The following ADAMTSL1 variants were observed in gnomAD, a reference collection of about 807,000 sequenced individuals.
ADAMTSL1 encodes the protein ADAMTS-like protein 1.
ADAMTSL1 carries 126 observed loss-of-function variants against 201.8 expected under a neutral mutation model. That is an observed-to-expected ratio of 0.62 (90% CI 0.54 to 0.72). ADAMTSL1 has a LOEUF of 0.72. ADAMTSL1 is among the 30% of genes least tolerant of loss of function. ADAMTSL1 has a pLI of 0.00. For missense variants in ADAMTSL1, 2,679 were observed against 2,277.8 expected (o/e 1.18, Z -3.59); for synonymous variants, 1,121 against 903.4 (o/e 1.24, Z -4.32).
At chr9:18,504,163 C>T (rs970523233) in intron 1 of ADAMTSL1, among the ~76,000 whole-genome samples, 1 of 152,284 alleles carries the variant, frequency 6.6e-6, no homozygotes, top group East Asian at 1.9e-4. Flanking sequence ...TTAACTATAG[C>T]ACACATTTTA....
intron 23 of ADAMTSL1, among the ~76,000 whole-genome samples, chr9:18,860,555 A>G (rs1315454681): frequency 1.3e-5 from 2 of 152,162 alleles, no homozygotes; most frequent in Non-Finnish European, 2.9e-5. Context: ...TCTTACCAAC[A>G]ATGACAAACA....
chr9:18,338,992 A>G (rs1835359158), intron 2 of ADAMTSL1, among the ~76,000 whole-genome samples: 1 of 152,126 alleles, frequency 6.6e-6, no homozygotes, highest in African/African-American at 2.4e-5. Flanking sequence ...CATTGTCTAT[A>G]CGTACCACCT....
intron 2 of ADAMTSL1, among the ~76,000 whole-genome samples, chr9:18,306,883 A>G (rs1269688006): frequency 6.6e-6 from 1 of 152,168 alleles, no homozygotes; most frequent in African/African-American, 2.4e-5. Flanking sequence ...AACCCAAGAC[A>G]CATAATTGTC....
chr9:18,219,053 A>G (rs964940753), intron 2 of ADAMTSL1, among the ~76,000 whole-genome samples: 3 of 151,836 alleles, frequency 2.0e-5, no homozygotes, highest in Admixed American at 6.6e-5. Context: ...GTATGAATAT[A>G]TATATATTTC....
At chr9:18,737,084 C>A (rs1034665681) in intron 15 of ADAMTSL1, among the ~76,000 whole-genome samples, 13 of 152,008 alleles carry the variant, frequency 8.6e-5, no homozygotes, top group African/African-American at 3.1e-4. Flanking sequence ...TTTGGAAGGC[C>A]GAGGCAGGTG....
intron 1 of ADAMTSL1, among the ~76,000 whole-genome samples, chr9:18,061,720 T>C (rs1445878906): frequency 1.3e-5 from 2 of 152,238 alleles, no homozygotes; most frequent in Non-Finnish European, 2.9e-5. Context: ...TGTCATATCA[T>C]TTGAAAACAA....
chr9:18,798,913 CCT>C (rs1480154770), intron 20 of ADAMTSL1, among the ~76,000 whole-genome samples: 1 of 152,148 alleles, frequency 6.6e-6, no homozygotes, highest in Non-Finnish European at 1.5e-5. Context: ...CTTGCTCTGC[CCT>C]GTTTGGCCTA....
chr9:18,591,513 T>C (rs1430718045), intron 4 of ADAMTSL1, among the ~76,000 whole-genome samples: 1 of 152,286 alleles, frequency 6.6e-6, no homozygotes, highest in East Asian at 1.9e-4. Context: ...CCCATTTACA[T>C]TTAATGTTAT....
intron 3 of ADAMTSL1, among the ~76,000 whole-genome samples, chr9:18,536,507 A>G (rs796284413): frequency 6.6e-6 from 1 of 150,674 alleles, no homozygotes; most frequent in Non-Finnish European, 1.5e-5. Context: ...CAACCACTCT[A>G]TAAGTAGTAT....
intron 2 of ADAMTSL1, among the ~76,000 whole-genome samples, chr9:18,306,988 T>G (rs1359405576): frequency 2.0e-5 from 3 of 152,144 alleles, no homozygotes; most frequent in African/African-American, 7.2e-5. Context: ...AGACTAACAG[T>G]GGATCTCTCT....
intron 9 of ADAMTSL1, 90 bp downstream of exon 9, chr9:18,662,163 A>T: frequency 2.0e-6 from 3 of 1,469,492 alleles, no homozygotes; most frequent in Non-Finnish European, 1.8e-6. Context: ...TTAATTAAAA[A>T]TAAAATGAAA....
intron 2 of ADAMTSL1, among the ~76,000 whole-genome samples, chr9:18,219,395 G>GT (rs201140195): frequency 0.011 from 1,671 of 150,496 alleles, 28 homozygotes; most frequent in African/African-American, 0.038. Flanking sequence ...TTGAGACAGT[G>GT]TGTTGCTCTG....
chr9:18,655,759 A>G (rs984263417), intron 7 of ADAMTSL1, among the ~76,000 whole-genome samples: 3 of 146,578 alleles, frequency 2.0e-5, no homozygotes, highest in African/African-American at 5.1e-5. Flanking sequence ...ATAACTTTCC[A>G]GTGTGATAAC....
chr9:18,714,423 G>A lies in ADAMTSL1; in HGVS notation c.1877-7113G>A, dbSNP rs530265717. On this transcript the variant is annotated intron_variant, in intron 14 of 28. Transcript: ENST00000380548. ...AAATGATAAAGGGGATATCACCACC[G>A]ATCCCACAGAAATACAAAGTACCAT... Among the ~76,000 whole-genome samples, 36 of 152,082 alleles carry A rather than the reference G, an allele frequency of 2.4e-4. 1 individual carries two copies. The highest frequency in any genetic ancestry group is 1.9e-3 in the East Asian group (10 of 5,186).
chr9:18,495,823 T>G lies in ADAMTSL1; in HGVS notation c.64-9006T>G, dbSNP rs373500786. Among the ~76,000 whole-genome samples, 30 of 152,264 alleles carry G rather than the reference T, an allele frequency of 2.0e-4. 3 individuals carry two copies. The South Asian group carries it at 6.2e-3, about 32-fold the overall frequency. ...CAGAAGAAAGTCCCTGAAATTGAAA[T>G]TACTTGGCAATTTTAAGTGACTGGA... On this transcript the variant is annotated intron_variant, in intron 1 of 28. Coordinates refer to ENST00000380548, the MANE Select transcript of ADAMTSL1 (RefSeq NM_001040272.6).
chr9:18,752,457 A>G (rs1819520794), intron 15 of ADAMTSL1, among the ~76,000 whole-genome samples: 1 of 152,242 alleles, frequency 6.6e-6, no homozygotes, highest in African/African-American at 2.4e-5. Context: ...AGAACTTTCT[A>G]AAACTGATCT....
chr9:17,907,698 T>G (rs1432166680), intron 1 of ADAMTSL1, among the ~76,000 whole-genome samples: 4 of 152,164 alleles, frequency 2.6e-5, no homozygotes. Flanking sequence ...AGTGGTTTAT[T>G]ATCACAAGAC....
chr9:18,650,386 G>A (rs776787), intron 7 of ADAMTSL1, among the ~76,000 whole-genome samples: 16,532 of 151,944 alleles, frequency 0.11, 1,827 homozygotes, highest in African/African-American at 0.28. Flanking sequence ...CGTGCACAGC[G>A]CGCTGCACCC....
intron 3 of ADAMTSL1, among the ~76,000 whole-genome samples, chr9:18,553,265 GTTATATATCCAT>G (rs886701413): frequency 3.6e-5 from 5 of 140,650 alleles, no homozygotes; most frequent in African/African-American, 1.3e-4. Context: ...TGGTTTAAAA[GTTATATATCCAT>G]TTCTATTTTT....
Sources: gnomAD v4.1 joint callset for allele counts (sites outside exome capture counted in the v4.1 genomes callset) on GRCh38, gnomAD v4.1.1 for gene constraint, MANE v1.5 for transcripts, NCBI Gene and HGNC (gene_info 2026-07-23, HGNC 2026-07-21) for gene names.